The following SLC24A2 variants were observed in gnomAD, a reference collection of about 807,000 sequenced individuals.
The protein encoded by SLC24A2 is solute carrier family 24 member 2.
In SLC24A2, 36 loss-of-function variants were observed where a neutral mutation model predicts 62.0. The observed-to-expected ratio is 0.58, with a 90% CI of 0.44 to 0.77. SLC24A2 has a LOEUF of 0.77. Among genes scored for constraint, SLC24A2 ranks in the 30% least tolerant of loss-of-function variants. The pLI is 0.00. For synonymous variants in SLC24A2, 358 were observed against 294.0 expected (o/e 1.22, Z -2.23); for missense variants, 846 against 817.9 (o/e 1.03, Z -0.42).
At chr9:19,787,511 C>T (rs943224075) in intron 1 of SLC24A2, among the ~76,000 whole-genome samples, 4 of 152,160 alleles carry the variant, frequency 2.6e-5, no homozygotes, top group Non-Finnish European at 2.9e-5. Flanking sequence ...GCAACTTTTT[C>T]TGATTTAACC....
the SLC24A2 span, among the ~76,000 whole-genome samples, chr9:20,173,625 A>G: frequency 6.6e-6 from 1 of 152,078 alleles, no homozygotes; most frequent in Non-Finnish European, 1.5e-5. Context: ...ATAAAACCTT[A>G]GGAATATACC....
the SLC24A2 span, among the ~76,000 whole-genome samples, chr9:19,999,806 G>A: frequency 1.3e-5 from 2 of 152,184 alleles, no homozygotes; most frequent in Non-Finnish European, 2.9e-5. Flanking sequence ...GGGGGACCCA[G>A]GAGGCACAAA....
At chr9:19,691,945 C>G (rs777013845) in intron 2 of SLC24A2, among the ~76,000 whole-genome samples, 1 of 152,084 alleles carries the variant, frequency 6.6e-6, no homozygotes, top group Non-Finnish European at 1.5e-5. Context: ...CTTTATACTA[C>G]AAGGGAAGAT....
the SLC24A2 span, among the ~76,000 whole-genome samples, chr9:20,276,284 G>C: frequency 1.3e-5 from 2 of 152,202 alleles, no homozygotes; most frequent in South Asian, 2.1e-4. Flanking sequence ...TTCCAAATGG[G>C]AGAAATTGGC....
At chr9:19,782,205 A>G (rs1823037830) in intron 2 of SLC24A2, among the ~76,000 whole-genome samples, 2 of 152,226 alleles carry the variant, frequency 1.3e-5, no homozygotes, top group South Asian at 4.1e-4. Flanking sequence ...ATAACAGATC[A>G]ACGGCCCCCA....
intron 2 of SLC24A2, among the ~76,000 whole-genome samples, chr9:19,701,205 T>G (rs568185596): frequency 2.1e-4 from 32 of 152,322 alleles, no homozygotes; most frequent in African/African-American, 5.5e-4. Flanking sequence ...AAGGGGATGA[T>G]CTGCATGTAC....
chr9:19,907,190 G>A, the SLC24A2 span, among the ~76,000 whole-genome samples: 1 of 152,082 alleles, frequency 6.6e-6, no homozygotes, highest in Admixed American at 6.5e-5. Flanking sequence ...ATCAATAAAC[G>A]TAATCCAGCA....
intron 2 of SLC24A2, among the ~76,000 whole-genome samples, chr9:19,692,400 T>C (rs975097012): frequency 7.9e-5 from 12 of 152,034 alleles, no homozygotes; most frequent in Admixed American, 6.6e-4. Context: ...CTAGAAAAAA[T>C]AGACTGTAAT....
intron 2 of SLC24A2, among the ~76,000 whole-genome samples, chr9:19,781,975 A>G (rs2118931305): frequency 6.6e-6 from 1 of 152,320 alleles, no homozygotes; most frequent in East Asian, 1.9e-4. Flanking sequence ...AATTGCTAAA[A>G]CCCTTTACAG....
At chr9:19,952,824 A>T in the SLC24A2 span, among the ~76,000 whole-genome samples, 49 of 152,022 alleles carry the variant, frequency 3.2e-4, no homozygotes, top group African/African-American at 1.1e-3. Flanking sequence ...GACTAGTATT[A>T]GTTCTTCCTT....
the SLC24A2 span, among the ~76,000 whole-genome samples, chr9:20,024,212 C>T: frequency 3.9e-5 from 6 of 152,138 alleles, no homozygotes; most frequent in Non-Finnish European, 8.8e-5. Context: ...CTAAACAAAA[C>T]GGAACTGTGC....
At chr9:20,234,716 T>G in the SLC24A2 span, among the ~76,000 whole-genome samples, 1 of 152,248 alleles carries the variant, frequency 6.6e-6, no homozygotes, top group Non-Finnish European at 1.5e-5. Flanking sequence ...TGAGCCTTCT[T>G]CTCTCAACTC....
the SLC24A2 span, among the ~76,000 whole-genome samples, chr9:19,850,293 G>T: frequency 6.6e-6 from 1 of 152,028 alleles, no homozygotes; most frequent in South Asian, 2.1e-4. Context: ...AAAGTTCAAA[G>T]AATTTTTCTA....
At chr9:19,932,971 G>T in the SLC24A2 span, among the ~76,000 whole-genome samples, 1 of 152,206 alleles carries the variant, frequency 6.6e-6, no homozygotes, top group Non-Finnish European at 1.5e-5. Flanking sequence ...ATATAGAATT[G>T]TTGGACTCCT....
At chr9:20,184,909 T>A in the SLC24A2 span, among the ~76,000 whole-genome samples, 2 of 152,162 alleles carry the variant, frequency 1.3e-5, no homozygotes, top group African/African-American at 4.8e-5. Flanking sequence ...ACACATAAAA[T>A]ACTATTCAAC....
At chr9:19,598,085 G>A (rs1660079138) in intron 4 of SLC24A2, among the ~76,000 whole-genome samples, 1 of 152,224 alleles carries the variant, frequency 6.6e-6, no homozygotes, top group Non-Finnish European at 1.5e-5. Flanking sequence ...CAGTTGAGGG[G>A]AGAGAAGGAG....
the SLC24A2 span, chr9:19,928,684 AACCCTTTTATAAGGTAGGC>A: frequency 6.6e-6 from 1 of 152,216 alleles, no homozygotes; most frequent in African/African-American, 2.4e-5. Context: ...TAATCCTGAG[AACCCTTTTATAAGGTAGGC>A]ATTGCACTGA....
the SLC24A2 span, among the ~76,000 whole-genome samples, chr9:19,794,077 G>A: frequency 6.6e-6 from 1 of 152,240 alleles, no homozygotes; most frequent in Non-Finnish European, 1.5e-5. Flanking sequence ...GGGATTGAGG[G>A]ATGAAAGTGC....
chr9:19,840,630 T>C, the SLC24A2 span, among the ~76,000 whole-genome samples: 3 of 152,186 alleles, frequency 2.0e-5, no homozygotes, highest in Non-Finnish European at 4.4e-5. Context: ...CAGTTTTTCA[T>C]TGAGGTAAAA....
Sources: allele counts gnomAD v4.1 joint callset (sites outside exome capture counted in the v4.1 genomes callset), GRCh38; gene constraint gnomAD v4.1.1; transcripts MANE v1.5; gene names NCBI Gene and HGNC (gene_info 2026-07-23, HGNC 2026-07-21).